The following AFF3 variants were observed in gnomAD, a reference collection of about 807,000 sequenced individuals.
AFF3 encodes AF4/FMR2 family member 3.
AFF3 carries 32 observed loss-of-function variants against 129.7 expected under a neutral mutation model. The observed-to-expected ratio is 0.25, with a 90% CI of 0.19 to 0.33. The LOEUF is 0.33. Ranked by LOEUF, AFF3 falls within the 10% of genes least tolerant of loss-of-function variation. The pLI is 1.00. For synonymous variants in AFF3, 644 were observed against 635.4 expected (o/e 1.01, Z -0.20); for missense variants, 1,373 against 1,592.0 (o/e 0.86, Z 2.34).
intron 7 of AFF3, among the ~76,000 whole-genome samples, chr2:99,907,145 T>C (rs1192653386): frequency 6.6e-6 from 1 of 152,150 alleles, no homozygotes; most frequent in Non-Finnish European, 1.5e-5. Flanking sequence ...ATTTCTCCTT[T>C]TGTAAGCTGG....
In AFF3 at chr2:99,551,436, T is replaced by C. The variant is rs185599437; in HGVS notation, c.*38A>G. ...GTGTCCAAAAACGTTGAGCCATCTG[T>C]GGAGACCAGAGCCCACTCTGGCCCC... On this transcript the variant is annotated 3_prime_UTR_variant, in exon 25 of 25. Transcript: ENST00000672756. 1.3e-4 allele frequency: 208 copies of C among 1,612,884 alleles called. 1 individual carries two copies. The African/African-American group carries it at 2.7e-3, about 21-fold the overall frequency.
intron 10 of AFF3, among the ~76,000 whole-genome samples, chr2:99,741,513 G>A (rs1314593811): frequency 6.6e-6 from 1 of 152,104 alleles, no homozygotes; most frequent in African/African-American, 2.4e-5. Context: ...AACTTACAAG[G>A]GACGTGAAGG....
intron 12 of AFF3, 152 bp from the exon 13 acceptor site, chr2:99,649,818 T>C (rs1162864961): frequency 1.3e-6 from 1 of 772,836 alleles, no homozygotes; most frequent in South Asian, 1.7e-5. Flanking sequence ...GAGAGCACTG[T>C]TGTAAAATGT....
intron 1 of AFF3, among the ~76,000 whole-genome samples, chr2:100,130,527 G>C (rs1026953349): frequency 1.3e-5 from 2 of 152,180 alleles, no homozygotes; most frequent in Non-Finnish European, 2.9e-5. Flanking sequence ...CTCCATCCAC[G>C]GGCTCAGCCG....
At chr2:99,750,537 C>T (rs941664436) in intron 9 of AFF3, among the ~76,000 whole-genome samples, 4 of 151,622 alleles carry the variant, frequency 2.6e-5, no homozygotes, top group Non-Finnish European at 5.9e-5. Context: ...GCTACCTCAG[C>T]GTCCCAAGTA....
chr2:99,845,188 C>A (rs1222040103), intron 7 of AFF3, among the ~76,000 whole-genome samples: 1 of 152,140 alleles, frequency 6.6e-6, no homozygotes, highest in Non-Finnish European at 1.5e-5. Context: ...TTCCCTAATT[C>A]CCACATTGGT....
chr2:99,760,112 A>G (rs1463967347), intron 8 of AFF3, among the ~76,000 whole-genome samples: 3 of 152,242 alleles, frequency 2.0e-5, no homozygotes, highest in African/African-American at 4.8e-5. Flanking sequence ...GTACTGATTA[A>G]TATCAAGCTG....
chr2:99,727,142 C>G lies in AFF3; in HGVS notation c.1040-14G>C, dbSNP rs376588722. On this transcript the variant is annotated splice_polypyrimidine_tract_variant and intron_variant, in intron 10 of 24. Transcript: ENST00000672756. ...CATCACCTTTCTCTTAAAAAGGAAG[C>G]AGAAAAAAATACCGACATATGAGTC... 235 of 1,605,324 alleles carry G rather than the reference C, an allele frequency of 1.5e-4. No homozygotes were observed. Among genetic ancestry groups the G allele is most frequent in the Non-Finnish European group, 1.9e-4 (227 of 1,176,924 alleles).
In AFF3 at chr2:99,550,112, A is replaced by G. The variant is rs984186575; in HGVS notation, c.*1362T>C. On this transcript the variant is annotated 3_prime_UTR_variant, in exon 25 of 25. Coordinates refer to ENST00000672756, the MANE Select transcript of AFF3 (RefSeq NM_001386135.1). The stretch of plus-strand genomic sequence containing the variant: ...TTAACAAGATGACTAAATCTAGGGC[A>G]TAAGACACTACAAAAGAAAAAACAT... 4.4e-6 allele frequency: 1 copy of G among 227,738 alleles called. No homozygotes were observed. The highest frequency in any genetic ancestry group is 8.7e-6 in the Non-Finnish European group (1 of 114,610). 14.1% of individuals were successfully genotyped at this position (227,738 alleles called of 1,614,324 possible). A position where few individuals can be genotyped will look rare whatever the true frequency, so the allele number is the denominator to read the frequency against.
At chr2:100,019,959 C>G (rs1171579405) in intron 4 of AFF3, among the ~76,000 whole-genome samples, 2 of 152,138 alleles carry the variant, frequency 1.3e-5, no homozygotes, top group Non-Finnish European at 2.9e-5. Context: ...TTTGAATCAG[C>G]AAATAAACCT....
intron 1 of AFF3, among the ~76,000 whole-genome samples, chr2:100,135,204 G>C (rs890881294): frequency 1.3e-5 from 2 of 152,218 alleles, no homozygotes; most frequent in Admixed American, 6.5e-5. Flanking sequence ...CTGGGTGAGG[G>C]TAGTGGATTG....
At chr2:99,999,026 C>T (rs547937930) in intron 7 of AFF3, among the ~76,000 whole-genome samples, 2 of 152,120 alleles carry the variant, frequency 1.3e-5, no homozygotes, top group Admixed American at 1.3e-4. Context: ...AGAACACGAC[C>T]ATCTGTGGGA....
chr2:99,826,808 G>A (rs1026566803), intron 8 of AFF3, among the ~76,000 whole-genome samples: 7 of 152,190 alleles, frequency 4.6e-5, no homozygotes, highest in Admixed American at 1.3e-4. Context: ...CAGGTTTCCA[G>A]CAAACCTATG....
At chr2:99,649,737 TA>T (rs1424921963) in intron 12 of AFF3, 71 bp from the exon 13 acceptor site, 55 of 1,552,194 alleles carry the variant, frequency 3.5e-5, no homozygotes, top group Admixed American at 7.1e-5. Context: ...AATGAACACT[TA>T]AAAAAAAGAC....
chr2:99,942,547 C>CGGG (rs56988005), intron 7 of AFF3, among the ~76,000 whole-genome samples: 2 of 59,302 alleles, frequency 3.4e-5, no homozygotes, highest in Admixed American at 2.1e-4. Context: ...GGGGGAGGGG[C>CGGG]GGGGGGGGGG....
At chr2:99,670,285 T>C (rs1687036284) in intron 12 of AFF3, among the ~76,000 whole-genome samples, 1 of 152,258 alleles carries the variant, frequency 6.6e-6, no homozygotes, top group African/African-American at 2.4e-5. Context: ...CAGGCAGGTA[T>C]AGCAACTTGA....
At chr2:99,775,777 A>G (rs554237930) in intron 8 of AFF3, among the ~76,000 whole-genome samples, 3 of 152,304 alleles carry the variant, frequency 2.0e-5, no homozygotes, top group Admixed American at 2.0e-4. Context: ...AATTCCTGAA[A>G]GACGACAACA....
At chr2:100,053,257 G>C (rs1559089975) in intron 4 of AFF3, among the ~76,000 whole-genome samples, 1 of 152,224 alleles carries the variant, frequency 6.6e-6, no homozygotes, top group Non-Finnish European at 1.5e-5. Context: ...GTTAGCCACT[G>C]TGGAATTTCA....
intron 8 of AFF3, among the ~76,000 whole-genome samples, chr2:99,824,409 C>G (rs1356120527): frequency 6.6e-6 from 1 of 152,066 alleles, no homozygotes; most frequent in Admixed American, 6.5e-5. Context: ...GCCACAGCAC[C>G]CAGCCCAAAA....
Sources: allele counts gnomAD v4.1 joint callset (sites outside exome capture counted in the v4.1 genomes callset), GRCh38; gene constraint gnomAD v4.1.1; transcripts MANE v1.5; gene names NCBI Gene and HGNC (gene_info 2026-07-23, HGNC 2026-07-21).